Variants in LGR4 observed in about 807,000 individuals in gnomAD.
LGR4 encodes the protein leucine rich repeat containing G protein-coupled receptor 4.
A neutral mutation model predicts 84.8 loss-of-function variants in LGR4; 44 were observed. The ratio of observed to expected loss-of-function variants is 0.52; its 90% CI spans 0.41 to 0.67. LGR4 has a LOEUF of 0.67. Among genes scored for constraint, LGR4 ranks in the 30% least tolerant of loss-of-function variants. The pLI is 0.00. For missense variants in LGR4, 1,032 were observed against 1,131.4 expected (o/e 0.91, Z 1.26); for synonymous variants, 429 against 434.3 (o/e 0.99, Z 0.15).
chr11:27,415,688 A>G (rs1863802570), intron 1 of LGR4, among the ~76,000 whole-genome samples: 1 of 152,072 alleles, frequency 6.6e-6, no homozygotes, highest in African/African-American at 2.4e-5. Context: ...TTTCTCTCAT[A>G]CTTTCTGGGA....
At chr11:27,468,174 A>T (rs1176708044) in intron 1 of LGR4, among the ~76,000 whole-genome samples, 1 of 152,180 alleles carries the variant, frequency 6.6e-6, no homozygotes, top group Non-Finnish European at 1.5e-5. Context: ...TTCTTTAAAA[A>T]CACTTTAAAG....
intron 1 of LGR4, among the ~76,000 whole-genome samples, chr11:27,462,640 C>T (rs1864703001): frequency 6.6e-6 from 1 of 152,070 alleles, no homozygotes; most frequent in African/African-American, 2.4e-5. Flanking sequence ...ACTGTTATAA[C>T]ACACAGACAA....
intron 2 of LGR4, among the ~76,000 whole-genome samples, chr11:27,406,861 T>G (rs1333172153): frequency 6.6e-6 from 1 of 152,204 alleles, no homozygotes; most frequent in African/African-American, 2.4e-5. Flanking sequence ...CAAGAGAGCT[T>G]ATCTGAGAAA....
In LGR4 at chr11:27,392,441, A is replaced by G; in HGVS notation, c.329+6T>C. ...AGCTGTGAAACTCTAAAATTGCATTACTTACAGAACTTTGAGTTCTTTCAA... is the reference window on the plus strand; with the variant it reads ...AGCTGTGAAACTCTAAAATTGCATTGCTTACAGAACTTTGAGTTCTTTCAA... On this transcript the variant is annotated splice_donor_region_variant and intron_variant, in intron 3 of 17. Transcript: ENST00000379214. 1 of 1,577,386 alleles carries G rather than the reference A, an allele frequency of 6.3e-7. No individual in the cohort carries two copies. Among genetic ancestry groups the G allele is most frequent in the Non-Finnish European group, 8.6e-7 (1 of 1,166,130 alleles).
At chr11:27,405,502 C>T (rs867843909) in intron 2 of LGR4, among the ~76,000 whole-genome samples, 1 of 152,136 alleles carries the variant, frequency 6.6e-6, no homozygotes, top group Non-Finnish European at 1.5e-5. Context: ...CTATGCCCTT[C>T]GATCTCTATC....
rs541611261 is a variant in LGR4 at position 27,422,557 on chromosome 11, C to T, written c.186-9697G>A. On this transcript the variant is annotated intron_variant, in intron 1 of 17. Coordinates refer to ENST00000379214, the MANE Select transcript of LGR4 (RefSeq NM_018490.5). ...AGGAAAATGTTTCAGCATGTACCTG[C>T]TTCTCTCTTCCTGACTGCAAACTCT... Among the ~76,000 whole-genome samples, 3 of 152,312 alleles carry T rather than the reference C, an allele frequency of 2.0e-5. No homozygotes were observed. The South Asian group carries it at 6.2e-4, about 32-fold the overall frequency.
intron 14 of LGR4, 117 bp from the exon 15 acceptor site, chr11:27,373,793 C>A: frequency 9.2e-7 from 1 of 1,091,350 alleles, no homozygotes. Context: ...AGTGGGGGTG[C>A]TAAAATTATA....
At chr11:27,392,402 G>A in intron 3 of LGR4, 45 bp downstream of exon 3, 1 of 1,443,440 alleles carries the variant, frequency 6.9e-7, no homozygotes, top group Non-Finnish European at 9.4e-7. Flanking sequence ...TACGCAGAAA[G>A]AAAATACACA....
chr11:27,368,800 G>T lies in LGR4; in HGVS notation c.1923C>A (p.Val641=). The stretch of plus-strand genomic sequence containing the variant: ...TATCTTTTGCAGATAAGCTTCTTTC[G>T]ACAGTTGCTAGCATTAATAAAAATA... ...SAIFLLMLAT[V]ERSLSAKDIM... Residue 641 remains valine, a synonymous_variant, in exon 18 of 18, where the codon GTC becomes GTA. Coordinates refer to ENST00000379214, the MANE Select transcript of LGR4 (RefSeq NM_018490.5). The T allele has an allele frequency of 6.2e-7, 1 of 1,614,010 alleles. No individual in the cohort carries two copies.
chr11:27,374,027 T>G lies in LGR4; in HGVS notation c.1201A>C (p.Ile401Leu), dbSNP rs1862932418. 1 of 1,611,320 alleles carries G rather than the reference T, an allele frequency of 6.2e-7. No homozygotes were observed. Among genetic ancestry groups the G allele is most frequent in the African/African-American group, 1.3e-5 (1 of 74,980 alleles). Residue 401 changes from isoleucine (I) to leucine (L), a missense_variant, in exon 14 of 18, where the codon ATA becomes CTA. By Grantham distance (5) the Ile-to-Leu change is conservative. Coordinates refer to ENST00000379214, the MANE Select transcript of LGR4 (RefSeq NM_018490.5). ...LRILDLSRNLIHEIHSRAFAT... is the reference protein window; with the variant it reads ...LRILDLSRNLLHEIHSRAFAT... ...AAAGCTCTACTGTGAATTTCATGTA[T>G]CAGGTTTCTACTCAGATCTCTGCAA...
intron 1 of LGR4, among the ~76,000 whole-genome samples, chr11:27,416,486 G>A (rs770327487): frequency 6.6e-6 from 1 of 152,154 alleles, no homozygotes; most frequent in Non-Finnish European, 1.5e-5. Flanking sequence ...GCTGCTCCTG[G>A]AAGCCATCTG....
intron 2 of LGR4, among the ~76,000 whole-genome samples, chr11:27,392,723 G>C (rs889171548): frequency 7.9e-5 from 12 of 151,718 alleles, no homozygotes; most frequent in Non-Finnish European, 1.8e-4. Flanking sequence ...TTTTTTTTAA[G>C]TCCCAATACA....
At chr11:27,389,362 G>C (rs1235000045) in intron 4 of LGR4, among the ~76,000 whole-genome samples, 3 of 151,998 alleles carry the variant, frequency 2.0e-5, no homozygotes, top group Non-Finnish European at 4.4e-5. Flanking sequence ...CCCAATTTTG[G>C]AGATAATTTA....
intron 13 of LGR4, 101 bp from the exon 14 acceptor site, chr11:27,374,147 TGATAA>T: frequency 5.2e-6 from 4 of 763,368 alleles, no homozygotes; most frequent in East Asian, 5.0e-5. Context: ...ACAATATCGC[TGATAA>T]GATAACAAAG....
At chr11:27,394,486 T>A (rs945082187) in intron 2 of LGR4, among the ~76,000 whole-genome samples, 10 of 152,170 alleles carry the variant, frequency 6.6e-5, no homozygotes, top group African/African-American at 2.4e-4. Context: ...CACTGCAATC[T>A]CTGCCTCCTG....
chr11:27,383,581 A>G (rs1321715954), intron 6 of LGR4, among the ~76,000 whole-genome samples: 1 of 151,950 alleles, frequency 6.6e-6, no homozygotes, highest in East Asian at 1.9e-4. Flanking sequence ...AAGTCTTCTC[A>G]TTAATTGACA....
intron 1 of LGR4, among the ~76,000 whole-genome samples, chr11:27,464,124 G>C (rs1032375948): frequency 6.6e-6 from 1 of 152,200 alleles, no homozygotes; most frequent in Non-Finnish European, 1.5e-5. Flanking sequence ...TTCCTGTTAA[G>C]TTACTCAAGA....
At chr11:27,464,657 T>C (rs572010789) in intron 1 of LGR4, among the ~76,000 whole-genome samples, 21 of 152,304 alleles carry the variant, frequency 1.4e-4, no homozygotes, top group Admixed American at 9.8e-4. Context: ...TAGCTATGCC[T>C]AGTACAGCTC....
intron 1 of LGR4, among the ~76,000 whole-genome samples, chr11:27,448,882 C>A (rs1864436410): frequency 6.6e-6 from 1 of 152,170 alleles, no homozygotes; most frequent in African/African-American, 2.4e-5. Context: ...TAGATTAAGA[C>A]TACCAACAAA....
Sources: allele counts gnomAD v4.1 joint callset (sites outside exome capture counted in the v4.1 genomes callset), GRCh38; gene constraint gnomAD v4.1.1; transcripts MANE v1.5; gene names NCBI Gene and HGNC (gene_info 2026-07-23, HGNC 2026-07-21).